The following RAB27A variants were observed in gnomAD, a reference collection of about 807,000 sequenced individuals.
RAB27A encodes RAB27A, member RAS oncogene family.
Under a neutral mutation model 20.8 loss-of-function variants are expected in RAB27A, and 17 were observed. That is an observed-to-expected ratio of 0.82 (90% CI 0.56 to 1.23). The LOEUF (loss-of-function observed/expected upper bound fraction) is 1.23. Among genes scored for constraint, RAB27A ranks in the 50% most tolerant of loss-of-function variants. The pLI is 0.00. For synonymous variants in RAB27A, 85 were observed against 92.8 expected, an observed-to-expected ratio of 0.92 and a Z score of 0.48; for missense variants, 277 against 266.7, an observed-to-expected ratio of 1.04 and a Z score of -0.27.
intron 2 of RAB27A, among the ~76,000 whole-genome samples, chr15:55,245,573 T>G (rs1415690030): frequency 6.6e-6 from 1 of 152,206 alleles, no homozygotes; most frequent in African/African-American, 2.4e-5. Context: ...AATAATAACA[T>G]AAGTCCATCC....
chr15:55,254,391 C>CTATTTCCTAGATAT (rs945142069), intron 2 of RAB27A, among the ~76,000 whole-genome samples: 3 of 152,072 alleles, frequency 2.0e-5, no homozygotes, highest in African/African-American at 7.2e-5. Context: ...CTAGATATAT[C>CTATTTCCTAGATAT]ACTTTAAAAC....
chr15:55,303,228 C>G (rs2054981696), intron 2 of RAB27A, among the ~76,000 whole-genome samples: 1 of 93,762 alleles, frequency 1.1e-5, no homozygotes, highest in Non-Finnish European at 2.0e-5. Context: ...AGCCCCTCAG[C>G]CCGGCCAGCC....
intron 6 of RAB27A, among the ~76,000 whole-genome samples, chr15:55,210,143 ATGTG>A (rs149547310): frequency 0.25 from 35,953 of 141,954 alleles, 6,272 homozygotes; most frequent in African/African-American, 0.48. Flanking sequence ...GTATATATGT[ATGTG>A]TATGTATACA....
At chr15:55,273,361 A>G (rs1332815818) in intron 1 of RAB27A, among the ~76,000 whole-genome samples, 3 of 151,648 alleles carry the variant, frequency 2.0e-5, no homozygotes, top group Non-Finnish European at 4.4e-5. Flanking sequence ...GTGAGCCAAG[A>G]TCGCGCCACT....
intron 2 of RAB27A, among the ~76,000 whole-genome samples, chr15:55,264,393 G>A (rs56159619): frequency 0.16 from 24,737 of 152,064 alleles, 2,539 homozygotes; most frequent in East Asian, 0.56. Flanking sequence ...CTTTAATCAC[G>A]TTTAGATTTT....
chr15:55,215,574 C>T (rs1006698159), intron 6 of RAB27A, among the ~76,000 whole-genome samples: 1 of 146,384 alleles, frequency 6.8e-6, no homozygotes, highest in African/African-American at 2.6e-5. Flanking sequence ...ATGGCGTGAA[C>T]CCGGGAAGCG....
chr15:55,215,747 A>C (rs1406038733), intron 6 of RAB27A, among the ~76,000 whole-genome samples: 1 of 150,956 alleles, frequency 6.6e-6, no homozygotes, highest in African/African-American at 2.4e-5. Flanking sequence ...GGATCACCTG[A>C]GGTCAGGAGT....
At chr15:55,219,562 C>G (rs1237871993) in intron 6 of RAB27A, among the ~76,000 whole-genome samples, 1 of 152,202 alleles carries the variant, frequency 6.6e-6, no homozygotes, top group Non-Finnish European at 1.5e-5. Context: ...GAATCAGAAA[C>G]TGCGGGACCC....
intron 3 of RAB27A, among the ~76,000 whole-genome samples, chr15:55,234,108 GC>G (rs1347255028): frequency 6.6e-6 from 1 of 152,134 alleles, no homozygotes; most frequent in Admixed American, 6.5e-5. Context: ...CCTGCTTCAG[GC>G]CAACAATGGA....
intron 2 of RAB27A, among the ~76,000 whole-genome samples, chr15:55,310,623 G>A (rs541680430): frequency 1.3e-5 from 2 of 152,256 alleles, no homozygotes; most frequent in East Asian, 1.9e-4. Context: ...AAGTCTGCTT[G>A]CCTGAGGGCC....
intron 3 of RAB27A, 54 bp from the exon 4 acceptor site, chr15:55,230,540 C>T (rs773952932): frequency 2.7e-4 from 382 of 1,439,164 alleles, no homozygotes; most frequent in Non-Finnish European, 3.5e-4. Flanking sequence ...CACCAGCGAA[C>T]CTTCTCACCT....
At chr15:55,254,476 A>G (rs1897010309) in intron 2 of RAB27A, among the ~76,000 whole-genome samples, 1 of 152,002 alleles carries the variant, frequency 6.6e-6, no homozygotes, top group South Asian at 2.1e-4. Flanking sequence ...TGATAAAATT[A>G]TTTTGTATAA....
At chr15:55,234,652 C>T in intron 3 of RAB27A, 130 bp downstream of exon 3, 1 of 1,010,662 alleles carries the variant, frequency 9.9e-7, no homozygotes, top group Admixed American at 1.9e-5. Context: ...TTGAACATAA[C>T]TCACTTTCAT....
chr15:55,309,082 C>A (rs2141145527), intron 2 of RAB27A, among the ~76,000 whole-genome samples: 1 of 152,308 alleles, frequency 6.6e-6, no homozygotes, highest in South Asian at 2.1e-4. Flanking sequence ...TCTTTAGGGC[C>A]TGGAAAGCCG....
chr15:55,220,518 GC>G (rs1331182744), intron 6 of RAB27A, among the ~76,000 whole-genome samples: 1 of 152,144 alleles, frequency 6.6e-6, no homozygotes, highest in East Asian at 1.9e-4. Context: ...TGATCCACCT[GC>G]CTTGGCCTCC....
intron 1 of RAB27A, among the ~76,000 whole-genome samples, chr15:55,281,223 G>C (rs1898008122): frequency 6.6e-6 from 1 of 151,984 alleles, no homozygotes; most frequent in Non-Finnish European, 1.5e-5. Context: ...AAAGCTCTTG[G>C]GTCTTTTTGA....
Position 55,282,663 on chromosome 15 carries a change from GT to G in RAB27A, c.-143+7052del, listed in dbSNP as rs1173875872. The stretch of plus-strand genomic sequence containing the variant: ...GCAAAGACTGAGAACCCAAGTCCCT[GT>G]GTAACCCTTCAGGTACACGATCTCT... On this transcript the variant is annotated intron_variant, in intron 1 of 6. Transcript: ENST00000336787. Among the ~76,000 whole-genome samples, 6 of 152,242 alleles carry G rather than the reference GT, an allele frequency of 3.9e-5. No individual in the cohort carries two copies. The East Asian group carries it at 1.2e-3, about 29-fold the overall frequency.
chr15:55,206,992 A>G (rs28526269), intron 6 of RAB27A, among the ~76,000 whole-genome samples: 40,640 of 152,038 alleles, frequency 0.27, 7,049 homozygotes, highest in African/African-American at 0.49. Context: ...AAGATAATAC[A>G]AAACAGACTA....
chr15:55,259,730 C>G (rs776856826), intron 2 of RAB27A, among the ~76,000 whole-genome samples: 1 of 152,118 alleles, frequency 6.6e-6, no homozygotes, highest in East Asian at 1.9e-4. Flanking sequence ...TAAGTATATA[C>G]AATCGTCATA....
Sources: gnomAD v4.1 joint callset for allele counts (sites outside exome capture counted in the v4.1 genomes callset) on GRCh38, gnomAD v4.1.1 for gene constraint, MANE v1.5 for transcripts, NCBI Gene and HGNC (gene_info 2026-07-23, HGNC 2026-07-21) for gene names.